ARHGAP15: variants seen among roughly 807,000 people sequenced by gnomAD.
ARHGAP15 encodes the protein Rho GTPase activating protein 15.
In ARHGAP15, 51 loss-of-function variants were observed where a neutral mutation model predicts 63.7. The observed-to-expected ratio is 0.80, with a 90% confidence interval of 0.64 to 1.01. ARHGAP15 has a LOEUF of 1.01. ARHGAP15 is among the 50% of genes least tolerant of loss of function. ARHGAP15 has a pLI of 0.00. For synonymous variants in ARHGAP15, 191 were observed against 193.8 expected, an observed-to-expected ratio of 0.99 and a Z score of 0.12; for missense variants, 560 against 564.6, an observed-to-expected ratio of 0.99 and a Z score of 0.08.
chr2:143,583,532 G>A (rs180673973), intron 11 of ARHGAP15, among the ~76,000 whole-genome samples: 2 of 152,052 alleles, frequency 1.3e-5, no homozygotes, highest in Admixed American at 6.6e-5. Context: ...ACAAAAATGG[G>A]GGGGGTGGAA....
intron 1 of ARHGAP15, among the ~76,000 whole-genome samples, chr2:143,152,952 A>T (rs564348075): frequency 6.6e-6 from 1 of 152,108 alleles, no homozygotes; most frequent in South Asian, 2.1e-4. Flanking sequence ...AGAAAGCAAA[A>T]TCTTGAAAGT....
intron 13 of ARHGAP15, among the ~76,000 whole-genome samples, chr2:143,767,778 A>G (rs971730173): frequency 6.6e-6 from 1 of 152,182 alleles, no homozygotes; most frequent in African/African-American, 2.4e-5. Context: ...CTCAGCTATT[A>G]TGGGGGTAAA....
chr2:143,271,238 G>C (rs1681262680), intron 6 of ARHGAP15, among the ~76,000 whole-genome samples: 1 of 151,994 alleles, frequency 6.6e-6, no homozygotes, highest in South Asian at 2.1e-4. Flanking sequence ...CATTCCATTT[G>C]GTATTAACCC....
chr2:143,653,719 G>A lies in ARHGAP15; in HGVS notation c.1138+29452G>A, dbSNP rs1456150924. On this transcript the variant is annotated intron_variant, in intron 12 of 13. Transcript: ENST00000295095. Reference sequence around the variant, plus strand: ...TACTACCTGCCCCCCATACTGGGTCGGCATTCCTTATCGCACTTTTCTTAA... The same window carrying A: ...TACTACCTGCCCCCCATACTGGGTCAGCATTCCTTATCGCACTTTTCTTAA... Among the ~76,000 whole-genome samples, 8 of 152,056 alleles carry A rather than the reference G, an allele frequency of 5.3e-5. No homozygotes were observed. In the South Asian group the frequency reaches 6.2e-4, roughly 12 times the overall value.
intron 11 of ARHGAP15, among the ~76,000 whole-genome samples, chr2:143,586,178 C>T (rs1484125905): frequency 6.6e-6 from 1 of 152,074 alleles, no homozygotes; most frequent in African/African-American, 2.4e-5. Flanking sequence ...ACCTGTGCTG[C>T]CTGGAACACC....
chr2:143,623,511 AT>A (rs1698722689), intron 11 of ARHGAP15, among the ~76,000 whole-genome samples: 1 of 152,018 alleles, frequency 6.6e-6, no homozygotes, highest in South Asian at 2.1e-4. Flanking sequence ...TGCTGGGCAT[AT>A]TTTCCTCACT....
At chr2:143,218,141 C>T (rs1431158781) in intron 4 of ARHGAP15, among the ~76,000 whole-genome samples, 1 of 152,098 alleles carries the variant, frequency 6.6e-6, no homozygotes, top group Non-Finnish European at 1.5e-5. Flanking sequence ...GTTTTATTTG[C>T]TGTTACTTTC....
intron 9 of ARHGAP15, among the ~76,000 whole-genome samples, chr2:143,512,470 A>AG (rs930759707): frequency 3.8e-4 from 58 of 152,216 alleles, no homozygotes; most frequent in Non-Finnish European, 6.9e-4. Context: ...AGAGAATAGG[A>AG]GGATAGACAC....
At chr2:143,580,862 C>G (rs1352228318) in intron 11 of ARHGAP15, among the ~76,000 whole-genome samples, 1 of 151,958 alleles carries the variant, frequency 6.6e-6, no homozygotes, top group African/African-American at 2.4e-5. Flanking sequence ...TATATTTTTA[C>G]CCTCAAGCTG....
intron 6 of ARHGAP15, among the ~76,000 whole-genome samples, chr2:143,393,413 T>G (rs1312701580): frequency 6.6e-6 from 1 of 152,148 alleles, no homozygotes; most frequent in Non-Finnish European, 1.5e-5. Context: ...CAAGAAATCT[T>G]ATGTTATTAC....
intron 4 of ARHGAP15, among the ~76,000 whole-genome samples, chr2:143,218,297 T>TTTTTTTTTC (rs1692844845): frequency 6.7e-6 from 1 of 148,914 alleles, no homozygotes; most frequent in Non-Finnish European, 1.5e-5. Context: ...TTTTTTTTTT[T>TTTTTTTTTC]TTGTTGCTGC....
At chr2:143,263,083 A>G (rs1447345153) in intron 6 of ARHGAP15, among the ~76,000 whole-genome samples, 9 of 152,118 alleles carry the variant, frequency 5.9e-5, no homozygotes, top group Admixed American at 5.9e-4. Flanking sequence ...CCCCCAAAAA[A>G]CAGGATCCTG....
intron 11 of ARHGAP15, among the ~76,000 whole-genome samples, chr2:143,598,877 A>AC (rs1310766572): frequency 6.6e-6 from 1 of 151,950 alleles, no homozygotes; most frequent in Non-Finnish European, 1.5e-5. Flanking sequence ...TGATCGCACC[A>AC]CTGCACTCCA....
chr2:143,687,015 T>A (rs1041526165), intron 12 of ARHGAP15, among the ~76,000 whole-genome samples: 2 of 152,242 alleles, frequency 1.3e-5, no homozygotes, highest in Non-Finnish European at 2.9e-5. Context: ...TTGAGTCAAC[T>A]GTCTGGACTA....
At chr2:143,720,513 C>T (rs192749551) in intron 13 of ARHGAP15, among the ~76,000 whole-genome samples, 2 of 152,168 alleles carry the variant, frequency 1.3e-5, no homozygotes, top group Admixed American at 6.5e-5. Context: ...AAAAGACTGC[C>T]CTCTATCGAC....
At chr2:143,165,093 T>C (rs1474988852) in intron 2 of ARHGAP15, among the ~76,000 whole-genome samples, 1 of 152,042 alleles carries the variant, frequency 6.6e-6, no homozygotes, top group Non-Finnish European at 1.5e-5. Context: ...CCTTACGAGG[T>C]GATTTCAATA....
At chr2:143,153,384 A>G (rs1388722565) in intron 1 of ARHGAP15, among the ~76,000 whole-genome samples, 1 of 152,020 alleles carries the variant, frequency 6.6e-6, no homozygotes, top group Non-Finnish European at 1.5e-5. Context: ...TTTTTATTTC[A>G]TACTTATTGA....
chr2:143,237,085 G>A (rs1042670247), intron 5 of ARHGAP15: 1 of 152,032 alleles, frequency 6.6e-6, no homozygotes, highest in South Asian at 2.1e-4. Flanking sequence ...GTAATGTGGG[G>A]TTTTTGTAAC....
intron 10 of ARHGAP15, among the ~76,000 whole-genome samples, chr2:143,530,631 A>T (rs373922010): frequency 2.1e-4 from 1 of 4,856 alleles, no homozygotes; most frequent in Admixed American, 1.1e-3. Flanking sequence ...CCCCCTAGGT[A>T]ATCTTTCACC....
Sources: allele counts gnomAD v4.1 joint callset (sites outside exome capture counted in the v4.1 genomes callset), GRCh38; gene constraint gnomAD v4.1.1; transcripts MANE v1.5; gene names NCBI Gene and HGNC (gene_info 2026-07-23, HGNC 2026-07-21).